Variants in MROH2A observed in about 807,000 individuals in gnomAD.
MROH2A encodes the protein maestro heat like repeat family member 2A.
A neutral mutation model predicts 200.4 loss-of-function variants in MROH2A; 174 were observed. The ratio of observed to expected loss-of-function variants is 0.87; its 90% confidence interval spans 0.77 to 0.98. The LOEUF is 0.98. Among genes scored for constraint, MROH2A ranks in the 50% least tolerant of loss-of-function variants. The probability of loss-of-function intolerance (pLI) is 0.00; values close to 1 mark genes in which losing one functional copy is unlikely to be tolerated. For synonymous variants in MROH2A, 829 were observed against 840.4 expected (o/e 0.99, Z 0.23); for missense variants, 2,045 against 2,139.6 (o/e 0.96, Z 0.87).
intron 40 of MROH2A, 51 bp from the exon 41 acceptor site, chr2:233,832,528 C>T: frequency 7.4e-7 from 1 of 1,348,868 alleles, no homozygotes; most frequent in Non-Finnish European, 1.0e-6. Flanking sequence ...GGACGACTTG[C>T]CTGCTGACCT....
At chr2:233,800,358 A>C in intron 14 of MROH2A, 43 bp downstream of exon 14, 1 of 1,194,320 alleles carries the variant, frequency 8.4e-7, no homozygotes, top group East Asian at 2.6e-5. Flanking sequence ...TCACCACGCC[A>C]GGCTGGGGGT....
intron 18 of MROH2A, 28 bp downstream of exon 18, chr2:233,804,575 C>T (rs1196710697): frequency 6.5e-7 from 1 of 1,550,298 alleles, no homozygotes; most frequent in South Asian, 1.2e-5. Flanking sequence ...TTGCTGAGGC[C>T]TGGGAGGAGG....
chr2:233,823,325 C>T (rs576389412), intron 34 of MROH2A, among the ~76,000 whole-genome samples: 31 of 152,354 alleles, frequency 2.0e-4, no homozygotes, highest in Admixed American at 1.6e-3. Context: ...ACTCCGGAGC[C>T]GCCCTCACTC....
At chr2:233,785,070 C>T (rs534784131) in intron 3 of MROH2A, among the ~76,000 whole-genome samples, 12 of 151,664 alleles carry the variant, frequency 7.9e-5, no homozygotes, top group African/African-American at 2.2e-4. Context: ...TGCTTGAACC[C>T]GGGAGGTGGA....
In MROH2A at chr2:233,818,086, G is replaced by T. The variant is rs1703669721; in HGVS notation, c.3046G>T (p.Ala1016Ser). ...TGATGCCCATCAAAGAACCCGCATG[G>T]CCTCAATGAATGTCCTGTCCAGCCT... ...TCDAHQRTRM[A>S]SMNVLSSLLD... Residue 1016 changes from alanine to serine, a missense_variant, in exon 28 of 42, where the codon GCC becomes TCC. Ala to Ser is a moderately conservative substitution (Grantham distance 99, BLOSUM62 1). Transcript: ENST00000389758. The T allele has an allele frequency of 6.4e-7, 1 of 1,550,842 alleles. No individual in the cohort carries two copies. Among genetic ancestry groups the T allele is most frequent in the African/African-American group, 1.4e-5 (1 of 73,072 alleles).
At chr2:233,792,460 CT>C (rs998239694) in intron 5 of MROH2A, among the ~76,000 whole-genome samples, 1 of 152,100 alleles carries the variant, frequency 6.6e-6, no homozygotes, top group Non-Finnish European at 1.5e-5. Context: ...CTACAGGCGC[CT>C]GCCAACACGC....
At chr2:233,827,915 T>C (rs1704425733) in intron 35 of MROH2A, among the ~76,000 whole-genome samples, 1 of 152,176 alleles carries the variant, frequency 6.6e-6, no homozygotes, top group Non-Finnish European at 1.5e-5. Flanking sequence ...TTCACTGCTC[T>C]ACCTGGCCCT....
Position 233,807,894 on chromosome 2 carries a change from C to G in MROH2A, c.2295+39C>G. ...CCTCCACAACTGGGTCTTGGGATCT[C>G]TTAGCACAGTGCTCTGGGCACTGAC... is the stretch of plus-strand genomic sequence containing the variant. On this transcript the variant is annotated intron_variant, in intron 21 of 41. Coordinates refer to ENST00000389758, the MANE Select transcript of MROH2A (RefSeq NM_001394639.1). The surrounding 1 kb of genome is among the most constrained non-coding windows in gnomAD (Gnocchi z 4.3). 8 of 1,550,684 alleles carry G rather than the reference C, an allele frequency of 5.2e-6. No homozygotes were observed. Among genetic ancestry groups the G allele is most frequent in the Non-Finnish European group, 7.0e-6 (8 of 1,146,896 alleles).
rs555807866 is a variant in MROH2A at position 233,778,798 on chromosome 2, T to C, written c.-15+317T>C. Among the ~76,000 whole-genome samples, 3 of 152,372 alleles carry C rather than the reference T, an allele frequency of 2.0e-5. No homozygotes were observed. The East Asian group carries it at 5.8e-4, about 29-fold the overall frequency. ...TTAAACTAAGGATATTATCTATTGC[T>C]GTGTAACAAATTATCATAAACTCAG... On this transcript the variant is annotated intron_variant, in intron 1 of 41. Coordinates refer to ENST00000389758, the MANE Select transcript of MROH2A (RefSeq NM_001394639.1).
chr2:233,813,909 A>C (rs573602607), intron 25 of MROH2A, 131 bp downstream of exon 25: 18 of 538,602 alleles, frequency 3.3e-5, no homozygotes, highest in Admixed American at 6.6e-5. Context: ...AGCAAGCTCT[A>C]TCAGTAAATG....
At chr2:233,832,536 C>T (rs373815612) in intron 40 of MROH2A, 43 bp from the exon 41 acceptor site, 2 of 1,387,918 alleles carry the variant, frequency 1.4e-6, no homozygotes. Flanking sequence ...TGCCTGCTGA[C>T]CTAATACTCG....
At chr2:233,823,752 A>G (rs1326909976) in intron 35 of MROH2A, 88 bp downstream of exon 35, 7 of 1,493,962 alleles carry the variant, frequency 4.7e-6, no homozygotes, top group African/African-American at 1.4e-5. Context: ...TCTCCAAGGC[A>G]TGGGAGTCGG....
At chr2:233,804,579 G>A in intron 18 of MROH2A, 32 bp downstream of exon 18, 2 of 1,549,846 alleles carry the variant, frequency 1.3e-6, no homozygotes, top group South Asian at 1.2e-5. Context: ...TGAGGCCTGG[G>A]AGGAGGAGAA....
chr2:233,796,290 T>C lies in MROH2A; in HGVS notation c.1229T>C (p.Ile410Thr), dbSNP rs1319416374. 2.8e-6 allele frequency: 4 copies of C among 1,418,718 alleles called. No individual in the cohort carries two copies. Among genetic ancestry groups the C allele is most frequent in the Non-Finnish European group, 3.7e-6 (4 of 1,074,278 alleles). 87.9% of individuals were successfully genotyped at this position (1,418,718 alleles called of 1,614,324 possible). A position where few individuals can be genotyped will look rare whatever the true frequency, so the allele number is the denominator to read the frequency against. Residue 410 changes from isoleucine (I) to threonine (T), a missense_variant, in exon 11 of 42, where the codon ATT becomes ACT. This residue lies in a region of MROH2A where 831 missense variants were observed against 800.0 expected (regional missense o/e 1.04). Coordinates refer to ENST00000389758, the MANE Select transcript of MROH2A (RefSeq NM_001394639.1). ...EAVRVGTLNL[I>T]RAIVSADEPR... ...GTCCGCGTGGGGACTCTGAATCTGATTAGGGCTATAGTGAGCGCAGATGGT... is the reference window on the plus strand; with the variant it reads ...GTCCGCGTGGGGACTCTGAATCTGACTAGGGCTATAGTGAGCGCAGATGGT...
intron 23 of MROH2A, among the ~76,000 whole-genome samples, chr2:233,811,364 C>T (rs1034950520): frequency 2.0e-5 from 3 of 152,208 alleles, no homozygotes; most frequent in East Asian, 1.9e-4. Context: ...CCTGTGGGGC[C>T]GCCAATGTCC....
In MROH2A at chr2:233,787,752, T is replaced by C. The variant is rs868800244; in HGVS notation, c.277-1745T>C. On this transcript the variant is annotated intron_variant, in intron 3 of 41. Coordinates refer to ENST00000389758, the MANE Select transcript of MROH2A (RefSeq NM_001394639.1). ...ATATATACATATATATTATATATAT[T>C]ATATATATCATATATACATATATAT... is the stretch of plus-strand genomic sequence containing the variant. Among the ~76,000 whole-genome samples, 18 of 38,834 alleles carry C rather than the reference T, an allele frequency of 4.6e-4. 2 individuals are homozygous for C. The highest frequency in any genetic ancestry group is 1.2e-3 in the African/African-American group (11 of 9,040). 25.5% of individuals were successfully genotyped at this position (38,834 alleles called of 152,430 possible).
intron 34 of MROH2A, 149 bp downstream of exon 34, chr2:233,823,167 G>A: frequency 2.4e-6 from 2 of 819,022 alleles, no homozygotes; most frequent in Admixed American, 5.3e-5. Flanking sequence ...CTCTAGGATG[G>A]CAGTGGTGTG....
chr2:233,813,735 T>C lies in MROH2A; in HGVS notation c.2717T>C (p.Val906Ala), dbSNP rs1703329123. ...CTGATGGATATCAGCATACATTCTG[T>C]AATTTCTCTCCAACTCCCAGGAGAG... ...SELMDISIHS[V>A]ISLQLPGEDN... The change falls in exon 25 of 42, where the codon GTA (valine) becomes GCA (alanine). Residue 906 changes from valine (V) to alanine (A), a missense_variant. Physicochemically the swap from Val to Ala is moderately conservative, Grantham distance 64. Coordinates refer to ENST00000389758, the MANE Select transcript of MROH2A (RefSeq NM_001394639.1). The C allele has an allele frequency of 6.5e-7, 1 of 1,550,218 alleles. No homozygotes were observed. The highest frequency in any genetic ancestry group is 8.7e-7 in the Non-Finnish European group (1 of 1,146,686).
rs1267465663 is a variant in MROH2A at position 233,810,293 on chromosome 2, T to A, written c.2449-501T>A. Reference sequence around the variant, plus strand: ...GACTTAGAGTTCCACATGACTAGGGTGGCCTCAGAATCATGGCGGGAGACA... The same window carrying A: ...GACTTAGAGTTCCACATGACTAGGGAGGCCTCAGAATCATGGCGGGAGACA... On this transcript the variant is annotated intron_variant, in intron 22 of 41. Coordinates refer to ENST00000389758, the MANE Select transcript of MROH2A (RefSeq NM_001394639.1). Among the ~76,000 whole-genome samples, 3 of 152,140 alleles carry A rather than the reference T, an allele frequency of 2.0e-5. No homozygotes were observed. In the East Asian group the frequency reaches 5.8e-4, roughly 29 times the overall value.
Sources: gnomAD v4.1 joint callset for allele counts (sites outside exome capture counted in the v4.1 genomes callset) on GRCh38, gnomAD v4.1.1 for gene constraint, gnomAD v4.1.1 regional missense constraint, Gnocchi (gnomAD v3.1) non-coding constraint, MANE v1.5 for transcripts, NCBI Gene and HGNC (gene_info 2026-07-23, HGNC 2026-07-21) for gene names.